Variants in EXD3 observed in about 807,000 individuals in gnomAD.
EXD3 encodes the protein exonuclease 3'-5' domain containing 3, also known as exonuclease mut-7 homolog.
Under a neutral mutation model 98.0 loss-of-function variants are expected in EXD3, and 92 were observed. The ratio of observed to expected loss-of-function variants is 0.94; its 90% CI spans 0.79 to 1.12. The LOEUF (loss-of-function observed/expected upper bound fraction) is 1.12. EXD3 is among the 50% of genes most tolerant of loss of function. EXD3 has a pLI of 0.00. For missense variants in EXD3, 1,222 were observed against 1,191.6 expected (o/e 1.03, Z -0.38); for synonymous variants, 569 against 526.0 (o/e 1.08, Z -1.12).
At position 137,349,935 on chromosome 9, in the gene EXD3, T is replaced by C. The variant is rs1418630260; in HGVS notation, c.1495-404A>G. Reference sequence around the variant, plus strand: ...TGCAGCGAAACCACCCCCGGGGGGCTCTAGTGCTCATGCTAGGGGCGCTCC... The same window carrying C: ...TGCAGCGAAACCACCCCCGGGGGGCCCTAGTGCTCATGCTAGGGGCGCTCC... On this transcript the variant is annotated intron_variant, in intron 14 of 21. Coordinates refer to ENST00000340951, the MANE Select transcript of EXD3 (RefSeq NM_017820.5). The surrounding 1 kb of genome is among the most constrained non-coding windows in gnomAD (Gnocchi z 7.4). 6.6e-6 allele frequency among the ~76,000 whole-genome samples: 1 copy of C among 151,502 alleles called. No individual in the cohort carries two copies. The highest frequency in any genetic ancestry group is 2.0e-4 in the East Asian group (1 of 5,106).
intron 1 of EXD3, among the ~76,000 whole-genome samples, chr9:137,410,204 G>A (rs1429146623): frequency 6.6e-6 from 1 of 151,946 alleles, no homozygotes; most frequent in Non-Finnish European, 1.5e-5. Context: ...ACAACCAACA[G>A]CTGGGCACAG....
Position 137,307,142 on chromosome 9 carries a change from C to T in EXD3, c.2439G>A (p.Leu813=). ...DMLADGTRLQ[L]AGVPVGVLRT... is the part of the protein sequence containing the mutation. The stretch of plus-strand genomic sequence containing the variant: ...TCAGCACACCCACCGGGACCCCTGC[C>T]AGCTGCAGCCGGGTGCCGTCGGCCA... The change falls in exon 22 of 22, where the codon CTG becomes CTA. Residue 813 remains leucine, a synonymous_variant. Coordinates refer to ENST00000340951, the MANE Select transcript of EXD3 (RefSeq NM_017820.5). 1 of 1,596,986 alleles carries T rather than the reference C, an allele frequency of 6.3e-7. No homozygotes were observed. Among genetic ancestry groups the T allele is most frequent in the Non-Finnish European group, 8.5e-7 (1 of 1,172,812 alleles).
At chr9:137,315,179 C>T (rs896501926) in intron 19 of EXD3, among the ~76,000 whole-genome samples, 3 of 152,206 alleles carry the variant, frequency 2.0e-5, no homozygotes, top group Admixed American at 2.0e-4. Context: ...ACCTTGCCCT[C>T]CTTGGCCCAG....
At chr9:137,343,575 C>CGTTTTT (rs1833759902) in intron 17 of EXD3, 1 of 56,586 alleles carries the variant, frequency 1.8e-5, no homozygotes. Flanking sequence ...ACTACTGTAT[C>CGTTTTT]TTTTTTTTTT....
intron 17 of EXD3, among the ~76,000 whole-genome samples, chr9:137,339,496 CAA>C (rs57029740): frequency 0.33 from 30,642 of 91,690 alleles, 2,770 homozygotes; most frequent in East Asian, 0.42. Flanking sequence ...GACGCCACTT[CAA>C]AAAAAAAAAA....
intron 19 of EXD3, among the ~76,000 whole-genome samples, chr9:137,320,099 C>G (rs191281894): frequency 6.6e-6 from 1 of 152,210 alleles, no homozygotes; most frequent in Non-Finnish European, 1.5e-5. Context: ...GCAGGGGGAA[C>G]GCTTGGTTCT....
At chr9:137,353,780 A>C in intron 10 of EXD3, 1 of 985,904 alleles carries the variant, frequency 1.0e-6, no homozygotes, top group Non-Finnish European at 1.2e-6. Context: ...GGACCTGCCC[A>C]GCAGGCTGAG....
At chr9:137,331,987 AAC>A (rs373326740) in intron 17 of EXD3, among the ~76,000 whole-genome samples, 10 of 151,292 alleles carry the variant, frequency 6.6e-5, no homozygotes, top group Admixed American at 5.3e-4. Context: ...GCGCAACGAC[AAC>A]ACACACACAC....
chr9:137,373,623 GGCACTTTGTCTT>G, intron 3 of EXD3, 24 bp from the exon 4 acceptor site: 1 of 1,579,148 alleles, frequency 6.3e-7, no homozygotes, highest in Non-Finnish European at 8.6e-7. Flanking sequence ...AAACCACACT[GGCACTTTGTCTT>G]GCACTCAAAG....
chr9:137,392,978 G>A (rs1837013607), intron 2 of EXD3: 2 of 595,788 alleles, frequency 3.4e-6, no homozygotes, highest in South Asian at 2.0e-5. Context: ...GGCTGTTCCA[G>A]GGGGCACCGA....
rs1834017443 is a variant in EXD3, at chr9:137,347,939, C to T, written c.1998+132G>A. ...CCATCCTTGGCCACCCCGTCCTGTTCCCAGAGCCTGCCTGGCACAGCTGGC... is the reference window on the plus strand; with the variant it reads ...CCATCCTTGGCCACCCCGTCCTGTTTCCAGAGCCTGCCTGGCACAGCTGGC... On this transcript the variant is annotated intron_variant, in intron 17 of 21. Transcript: ENST00000340951. The surrounding 1 kb of genome is among the most constrained non-coding windows in gnomAD (Gnocchi z 4.2). 2.2e-5 allele frequency: 26 copies of T among 1,168,804 alleles called. No individual in the cohort carries two copies. The highest frequency in any genetic ancestry group is 3.0e-5 in the Non-Finnish European group (25 of 842,184). The allele number at this position is 1,168,804 out of a possible 1,614,324, so 72.4% of individuals were successfully genotyped here. A position where few individuals can be genotyped will look rare whatever the true frequency, so the allele number is the denominator to read the frequency against.
At chr9:137,331,772 G>A (rs7850853) in intron 17 of EXD3, among the ~76,000 whole-genome samples, 7 of 151,712 alleles carry the variant, frequency 4.6e-5, no homozygotes, top group African/African-American at 1.5e-4. Context: ...AAAAATTAGC[G>A]AGGTGTGGTG....
At chr9:137,355,635 A>C (rs868398940) in intron 8 of EXD3, among the ~76,000 whole-genome samples, 1 of 49,742 alleles carries the variant, frequency 2.0e-5, no homozygotes, top group African/African-American at 9.6e-5. Flanking sequence ...GGATGGAGGA[A>C]GGAGGAAGGA....
At position 137,347,049 on chromosome 9, in the gene EXD3, T is replaced by G. The variant is rs1349636658; in HGVS notation, c.1998+1022A>C. On this transcript the variant is annotated intron_variant, in intron 17 of 21. Transcript: ENST00000340951. This position sits in a 1 kb window ranked among gnomAD's most constrained non-coding sequence, Gnocchi z 4.2. ...CAGGCTGGTCTTGAACCCCTGACCT[T>G]GTGATCCACCCGCCTCGGCCTCCCA... 6.6e-6 allele frequency among the ~76,000 whole-genome samples: 1 copy of G among 152,092 alleles called. No individual in the cohort carries two copies. The highest frequency in any genetic ancestry group is 1.9e-4 in the East Asian group (1 of 5,188).
At position 137,356,265 on chromosome 9, in the gene EXD3, C is replaced by A; in HGVS notation, c.757+3G>T. 4 of 1,593,922 alleles carry A rather than the reference C, an allele frequency of 2.5e-6. No individual in the cohort carries two copies. The highest frequency in any genetic ancestry group is 3.4e-6 in the Non-Finnish European group (4 of 1,171,534). ...GGGGCAGGAATGTGGGGGCTGGACT[C>A]ACCTGGGGCTACGCCGTACCGCTCC... On this transcript the variant is annotated splice_donor_region_variant and intron_variant, in intron 8 of 21. Transcript: ENST00000340951.
intron 19 of EXD3, among the ~76,000 whole-genome samples, chr9:137,310,035 C>T (rs905986804): frequency 1.3e-5 from 2 of 152,254 alleles, no homozygotes; most frequent in South Asian, 2.1e-4. Flanking sequence ...CCTCAGCTGG[C>T]GTGTTGGACA....
At chr9:137,338,850 G>A (rs1239172729) in intron 17 of EXD3, among the ~76,000 whole-genome samples, 51 of 145,142 alleles carry the variant, frequency 3.5e-4, no homozygotes, top group African/African-American at 1.2e-3. Flanking sequence ...CCAAGATCGC[G>A]CCACTGCACT....
rs376007806 is a variant in EXD3 at position 137,389,597 on chromosome 9, G to A, written c.55+5706C>T. ...GGTACCAGCTCAGGGGGCATGAGGC[G>A]GACGCCACTCAGAGACAGTGAGTAC... On this transcript the variant is annotated intron_variant, in intron 2 of 21. Transcript: ENST00000340951. Among the ~76,000 whole-genome samples the A allele has an allele frequency of 1.0e-3, 158 of 152,260 alleles. 7 individuals carry two copies. In the South Asian group the frequency reaches 0.03, roughly 29 times the overall value.
intron 3 of EXD3, chr9:137,374,673 G>A (rs931907565): frequency 6.8e-5 from 67 of 985,484 alleles, no homozygotes; most frequent in Non-Finnish European, 7.6e-5. Flanking sequence ...GGCGCGGGAG[G>A]CAAGGCTGCA....
Sources: allele counts gnomAD v4.1 joint callset (sites outside exome capture counted in the v4.1 genomes callset), GRCh38; gene constraint gnomAD v4.1.1; non-coding constraint Gnocchi (gnomAD v3.1); transcripts MANE v1.5; gene names NCBI Gene and HGNC (gene_info 2026-07-23, HGNC 2026-07-21).